The following PTPRU variants were observed in gnomAD, a reference collection of about 807,000 sequenced individuals.
PTPRU encodes protein tyrosine phosphatase receptor type U.
Under a neutral mutation model 166.3 loss-of-function variants are expected in PTPRU, and 69 were observed. The observed-to-expected ratio is 0.41, with a 90% CI of 0.34 to 0.51. The LOEUF (loss-of-function observed/expected upper bound fraction) is 0.51. Among genes scored for constraint, PTPRU ranks in the 20% least tolerant of loss-of-function variants. The pLI, the probability that PTPRU is intolerant of heterozygous loss-of-function variation, is 0.09. For missense variants in PTPRU, 1,657 were observed against 2,013.7 expected (o/e 0.82, Z 3.39); for synonymous variants, 793 against 814.0 (o/e 0.97, Z 0.44).
intron 13 of PTPRU, 124 bp from the exon 14 acceptor site, chr1:29,284,607 C>A: frequency 7.4e-7 from 1 of 1,347,200 alleles, no homozygotes; most frequent in Non-Finnish European, 1.1e-6. Flanking sequence ...AAAGGCAGGA[C>A]ACACATTGAG....
rs1011828761 is a variant in PTPRU at position 29,271,859 on chromosome 1, G to C, written c.1145-3589G>C. ...AGAATGCTTCTGCCAAGCCCTAGAGGCTGGAAAGGAATGCAGGGCAGCATT... is the reference window on the plus strand; with the variant it reads ...AGAATGCTTCTGCCAAGCCCTAGAGCCTGGAAAGGAATGCAGGGCAGCATT... On this transcript the variant is annotated intron_variant, in intron 7 of 29. Coordinates refer to ENST00000373779, the MANE Select transcript of PTPRU (RefSeq NM_133178.4). This position sits in a 1 kb window ranked among gnomAD's most constrained non-coding sequence, Gnocchi z 4.4. 2.6e-5 allele frequency among the ~76,000 whole-genome samples: 4 copies of C among 152,216 alleles called. No homozygotes were observed. Among genetic ancestry groups the C allele is most frequent in the African/African-American group, 9.7e-5 (4 of 41,450 alleles).
rs544395876 is a variant in PTPRU at position 29,323,908 on chromosome 1, C to T, written c.4112+120C>T. 20 of 1,258,458 alleles carry T rather than the reference C, an allele frequency of 1.6e-5. No homozygotes were observed. In the South Asian group the frequency reaches 1.9e-4, roughly 12 times the overall value. The allele number at this position is 1,258,458 out of a possible 1,614,324, so 78.0% of individuals were successfully genotyped here. On this transcript the variant is annotated intron_variant, in intron 28 of 29. Transcript: ENST00000373779. ...AAGCTGGCACCGAAACCCCTGGGCT[C>T]TTAGATGGCTGTGGCCAGGATGCTG...
intron 7 of PTPRU, among the ~76,000 whole-genome samples, chr1:29,264,889 T>C (rs938677070): frequency 6.6e-6 from 1 of 152,248 alleles, no homozygotes; most frequent in African/African-American, 2.4e-5. Context: ...TTTCTTTCAT[T>C]CAGCATAGTT....
intron 24 of PTPRU, among the ~76,000 whole-genome samples, chr1:29,316,947 G>A (rs1471617975): frequency 6.6e-6 from 1 of 152,100 alleles, no homozygotes; most frequent in Non-Finnish European, 1.5e-5. Context: ...AAGCCTGAGA[G>A]CGATCACTGG....
rs765428751 is a variant in PTPRU, at chr1:29,291,466, G to A, written c.2319-403G>A. On this transcript the variant is annotated intron_variant, in intron 14 of 29. Coordinates refer to ENST00000373779, the MANE Select transcript of PTPRU (RefSeq NM_133178.4). The surrounding 1 kb of genome is among the most constrained non-coding windows in gnomAD (Gnocchi z 4.1). ...GAGAGGTGGGGACATGCTGGGCCTGGAGCTGGGCCAGCCATTTTCCTAGTT... is the reference window on the plus strand; with the variant it reads ...GAGAGGTGGGGACATGCTGGGCCTGAAGCTGGGCCAGCCATTTTCCTAGTT... Among the ~76,000 whole-genome samples the A allele has an allele frequency of 1.4e-4, 22 of 151,946 alleles. No individual in the cohort carries two copies. The highest frequency in any genetic ancestry group is 4.1e-4 in the South Asian group (2 of 4,824).
chr1:29,317,758 C>A lies in PTPRU; in HGVS notation c.3524C>A (p.Ser1175Ter), dbSNP rs759091467. 2.5e-6 allele frequency: 4 copies of A among 1,608,398 alleles called. No homozygotes were observed. Among genetic ancestry groups the A allele is most frequent in the Non-Finnish European group, 3.4e-6 (4 of 1,179,470 alleles). Residue 1175 changes from serine (S) to a stop codon, truncating the protein, a stop_gained, in exon 25 of 30, where the codon TCG (serine) becomes TAG (stop). Transcript: ENST00000373779. LOFTEE classifies it high-confidence loss of function. The surrounding 1 kb of genome is among the most constrained non-coding windows in gnomAD (Gnocchi z 5.6). ...CCCCGCTCCCTGTAGACGCTGAACT[C>A]GGTCACCCCGCCGCTGGACGTGGAG... ...QLREEFQTLN[S>*]VTPPLDVEEC...
At chr1:29,282,121 C>T (rs941020576) in intron 11 of PTPRU, among the ~76,000 whole-genome samples, 3 of 152,238 alleles carry the variant, frequency 2.0e-5, no homozygotes, top group African/African-American at 7.2e-5. Flanking sequence ...TTTGCTAAAT[C>T]ACTGTCTCTC....
rs1303385971 is a variant in PTPRU, at chr1:29,238,988, CTCTG to C, written c.73+2277_73+2280del. On this transcript the variant is annotated intron_variant, in intron 1 of 29. Coordinates refer to ENST00000373779, the MANE Select transcript of PTPRU (RefSeq NM_133178.4). This position sits in a 1 kb window ranked among gnomAD's most constrained non-coding sequence, Gnocchi z 6.1. ...ATACCAAGTACCTTGTAAAGTAAGG[CTCTG>C]TCTGTGAGTGCCAGGGAACAAAAAA... Among the ~76,000 whole-genome samples the C allele has an allele frequency of 3.3e-5, 5 of 152,300 alleles. No individual in the cohort carries two copies. Among genetic ancestry groups the C allele is most frequent in the African/African-American group, 1.2e-4 (5 of 41,550 alleles).
intron 19 of PTPRU, 43 bp downstream of exon 19, chr1:29,310,823 C>T: frequency 6.3e-7 from 1 of 1,596,294 alleles, no homozygotes; most frequent in Middle Eastern, 1.7e-4. Flanking sequence ...CATGTGCCTC[C>T]CAGCGTGCTG....
At chr1:29,259,653 C>A in intron 5 of PTPRU, 89 bp downstream of exon 5, 2 of 1,347,026 alleles carry the variant, frequency 1.5e-6, no homozygotes, top group Non-Finnish European at 2.0e-6. Flanking sequence ...ATTGCTGAGT[C>A]CCTGCTTCAT....
chr1:29,261,830 G>A (rs997645618), intron 7 of PTPRU, among the ~76,000 whole-genome samples: 5 of 152,120 alleles, frequency 3.3e-5, no homozygotes, highest in African/African-American at 1.2e-4. Context: ...ACCGTGCCTG[G>A]CTTAGTGTGT....
At chr1:29,255,461 A>G (rs904741232) in intron 2 of PTPRU, 55 bp downstream of exon 2, 16 of 1,601,176 alleles carry the variant, frequency 1.0e-5, no homozygotes, top group South Asian at 5.5e-5. Context: ...AGGCACTTCT[A>G]CCCACCTGCT....
chr1:29,242,363 G>A (rs1307670841), intron 1 of PTPRU, among the ~76,000 whole-genome samples: 2 of 152,086 alleles, frequency 1.3e-5, no homozygotes, highest in Non-Finnish European at 2.9e-5. Context: ...CCTCCTGATC[G>A]CTCTTCAGAC....
At chr1:29,262,723 A>G (rs866052456) in intron 7 of PTPRU, among the ~76,000 whole-genome samples, 1 of 152,244 alleles carries the variant, frequency 6.6e-6, no homozygotes, top group Non-Finnish European at 1.5e-5. Flanking sequence ...CTGTATTGAC[A>G]GAGTTACACA....
intron 1 of PTPRU, among the ~76,000 whole-genome samples, chr1:29,243,062 TA>T (rs1684128085): frequency 6.6e-6 from 1 of 152,134 alleles, no homozygotes; most frequent in Non-Finnish European, 1.5e-5. Flanking sequence ...CACGCTCGGC[TA>T]ATTTTTTGTA....
Position 29,325,693 on chromosome 1 carries a change from C to A in PTPRU, c.*32C>A, listed in dbSNP as rs766025298. 9.7e-6 allele frequency: 15 copies of A among 1,550,294 alleles called. No homozygotes were observed. The highest frequency in any genetic ancestry group is 1.1e-5 in the Non-Finnish European group (12 of 1,134,956). On this transcript the variant is annotated 3_prime_UTR_variant, in exon 30 of 30. Transcript: ENST00000373779. ...CCTGGCCTGGGGCACCCACTGCACACTCAGGGCCAGACCCACCATCCTGGA... is the reference window on the plus strand; with the variant it reads ...CCTGGCCTGGGGCACCCACTGCACAATCAGGGCCAGACCCACCATCCTGGA...
chr1:29,292,183 C>T (rs952275783), intron 15 of PTPRU, among the ~76,000 whole-genome samples, 157 bp downstream of exon 15: 9 of 152,242 alleles, frequency 5.9e-5, no homozygotes, highest in African/African-American at 2.2e-4. Context: ...AGAGCCAGCA[C>T]AGGTGGCGTT....
intron 1 of PTPRU, among the ~76,000 whole-genome samples, chr1:29,241,739 C>T (rs1448352445): frequency 1.4e-4 from 21 of 151,328 alleles, no homozygotes; most frequent in African/African-American, 4.6e-4. Context: ...GGATTACAGG[C>T]GCACGCCACC....
rs1685880991 is a variant in PTPRU, at chr1:29,277,816, T to TTTTTTTTA, written c.1454-1189_1454-1188insATTTTTTT. 1.9e-5 allele frequency among the ~76,000 whole-genome samples: 2 copies of TTTTTTTTA among 105,846 alleles called. 1 individual carries two copies. The highest frequency in any genetic ancestry group is 3.9e-5 in the Non-Finnish European group (2 of 51,042). 69.4% of individuals were successfully genotyped at this position (105,846 alleles called of 152,430 possible). A position where few individuals can be genotyped will look rare whatever the true frequency, so the allele number is the denominator to read the frequency against. ...ACAGTTGTCATTCTTTTTTTTTTTT[T>TTTTTTTTA]TTTTTTTTTTTTTTTTTTTTGAGAT... On this transcript the variant is annotated intron_variant, in intron 8 of 29. Coordinates refer to ENST00000373779, the MANE Select transcript of PTPRU (RefSeq NM_133178.4).
Sources: allele counts gnomAD v4.1 joint callset (sites outside exome capture counted in the v4.1 genomes callset), GRCh38; gene constraint gnomAD v4.1.1; non-coding constraint Gnocchi (gnomAD v3.1); transcripts MANE v1.5; gene names NCBI Gene and HGNC (gene_info 2026-07-23, HGNC 2026-07-21).